Variants in ATRX observed in about 807,000 individuals in gnomAD.
The protein encoded by ATRX is ATRX chromatin remodeler.
ATRX carries 12 observed loss-of-function variants against 172.6 expected under a neutral mutation model. That is an observed-to-expected ratio of 0.07 (90% CI 0.04 to 0.11). The LOEUF is 0.11. Among genes scored for constraint, ATRX ranks in the 10% least tolerant of loss-of-function variants. The probability of loss-of-function intolerance (pLI) is 1.00; values close to 1 mark genes in which losing one functional copy is unlikely to be tolerated. For synonymous variants in ATRX, 674 were observed against 594.7 expected (o/e 1.13, Z -1.94); for missense variants, 1,368 against 1,767.4 (o/e 0.77, Z 4.05).
intron 26 of ATRX, among the ~76,000 whole-genome samples, chrX:77,591,748 C>G (rs1294770733): frequency 8.9e-6 from 1 of 112,150 alleles, no homozygotes; most frequent in Non-Finnish European, 1.9e-5. Context: ...AAATCAAAAA[C>G]ATAATTGAAT....
intron 1 of ATRX, among the ~76,000 whole-genome samples, chrX:77,761,229 C>A (rs1247707261): frequency 2.7e-5 from 3 of 111,553 alleles, no homozygotes; most frequent in African/African-American, 9.7e-5. Flanking sequence ...AGGCATTCTT[C>A]TTTTTATGTA....
chrX:77,505,198 G>A lies in ATRX; in HGVS notation c.*3153C>T, dbSNP rs2062685398. 1.7e-5 allele frequency: 3 copies of A among 172,056 alleles called. No homozygotes were observed. The highest frequency in any genetic ancestry group is 3.3e-5 in the Non-Finnish European group (3 of 90,142). 14.2% of individuals were successfully genotyped at this position (172,056 alleles called of 1,213,427 possible). On this transcript the variant is annotated 3_prime_UTR_variant, in exon 35 of 35. Transcript: ENST00000373344. Reference sequence around the variant, plus strand: ...AGCCTCACAACATGCTACTCTCAAAGGAAACAAGGGCTACTGGGACAGAAT... The same window carrying A: ...AGCCTCACAACATGCTACTCTCAAAAGAAACAAGGGCTACTGGGACAGAAT...
intron 22 of ATRX, among the ~76,000 whole-genome samples, chrX:77,608,656 ACT>A (rs2067024569): frequency 8.9e-6 from 1 of 111,859 alleles, no homozygotes; most frequent in Non-Finnish European, 1.9e-5. Flanking sequence ...CACTGGAGAA[ACT>A]CTACAGGACA....
chrX:77,726,601 A>G (rs187086032), intron 1 of ATRX, among the ~76,000 whole-genome samples: 2 of 111,273 alleles, frequency 1.8e-5, no homozygotes, highest in Admixed American at 1.9e-4. Flanking sequence ...GTGCACATGT[A>G]CCCTAGAACT....
chrX:77,773,318 TATCTG>T (rs2076231787), intron 1 of ATRX, among the ~76,000 whole-genome samples: 1 of 109,495 alleles, frequency 9.1e-6, no homozygotes, highest in Non-Finnish European at 1.9e-5. Context: ...ACTTTGGGGG[TATCTG>T]AGGAAGGAGG....
rs782146598 is a variant in ATRX at position 77,681,697 on chromosome X, T to C, written c.3559A>G (p.Asn1187Asp). 56 of 1,205,753 alleles carry C rather than the reference T, an allele frequency of 4.6e-5. No homozygotes were observed. The highest frequency in any genetic ancestry group is 2.3e-4 in the Middle Eastern group (1 of 4,352). ...KAVIVKEKKR[N>D]SLRTSTKRKQ... ...CTTTTAGTGCTTGTTCTTAGGGAGT[T>C]TCTCTTTTTCTCCTTGACAATGACT... Residue 1187 changes from asparagine (N) to aspartate (D), a missense_variant, in exon 9 of 35, where the codon AAC (asparagine) becomes GAC (aspartate). Asn to Asp is a conservative substitution (Grantham distance 23). Transcript: ENST00000373344.
intron 19 of ATRX, among the ~76,000 whole-genome samples, chrX:77,627,603 G>C (rs2067925635): frequency 9.2e-6 from 1 of 108,441 alleles, no homozygotes; most frequent in African/African-American, 3.4e-5. Context: ...AGACCAGCTT[G>C]GGTAACATAG....
chrX:77,590,014 C>T, intron 26 of ATRX, 74 bp from the exon 27 acceptor site: 2 of 867,118 alleles, frequency 2.3e-6, no homozygotes, highest in Admixed American at 5.2e-5. Context: ...AATCGATCTA[C>T]AAATTTAACA....
chrX:77,785,907 GC>G (rs1557207506), intron 1 of ATRX, 74 bp downstream of exon 1: 6 of 1,133,633 alleles, frequency 5.3e-6, no homozygotes, highest in Non-Finnish European at 1.2e-6. Flanking sequence ...CCAAGCGAAC[GC>G]CTTCCCAAAC....
At chrX:77,565,237 G>A (rs1557063904) in intron 28 of ATRX, among the ~76,000 whole-genome samples, 2 of 111,772 alleles carry the variant, frequency 1.8e-5, no homozygotes, top group African/African-American at 3.2e-5. Context: ...GTGGTAGGGC[G>A]TCTCATGCCC....
intron 14 of ATRX, 72 bp from the exon 15 acceptor site, chrX:77,652,425 T>C (rs2069297578): frequency 1.9e-6 from 2 of 1,037,611 alleles, no homozygotes; most frequent in East Asian, 3.5e-5. Context: ...TTCCATTAAT[T>C]AACACAGCAG....
intron 1 of ATRX, among the ~76,000 whole-genome samples, chrX:77,772,089 G>C (rs1269347213): frequency 3.6e-5 from 4 of 111,027 alleles, no homozygotes; most frequent in African/African-American, 1.3e-4. Context: ...GAGGTCAGGA[G>C]TTCGAGACCA....
At chrX:77,536,616 T>C (rs1468795047) in intron 30 of ATRX, among the ~76,000 whole-genome samples, 1 of 111,951 alleles carries the variant, frequency 8.9e-6, no homozygotes, top group Non-Finnish European at 1.9e-5. Flanking sequence ...TTCCAACATA[T>C]TATGTTCTTC....
intron 2 of ATRX, among the ~76,000 whole-genome samples, chrX:77,703,462 G>C (rs1260702445): frequency 8.9e-6 from 1 of 112,639 alleles, no homozygotes; most frequent in African/African-American, 3.2e-5. Flanking sequence ...GCTGGACCAT[G>C]AACACCACAA....
At chrX:77,522,232 T>C (rs868991671) in intron 32 of ATRX, 31 bp downstream of exon 32, 2 of 1,209,397 alleles carry the variant, frequency 1.7e-6, no homozygotes, top group Non-Finnish European at 1.1e-6. Context: ...CTTTAATTCA[T>C]GTCAAACTAC....
At chrX:77,616,171 A>C (rs1284893920) in intron 22 of ATRX, 7 of 805,813 alleles carry the variant, frequency 8.7e-6, no homozygotes, top group Admixed American at 1.4e-4. Flanking sequence ...TATTTTAGGC[A>C]TACTACATGC....
chrX:77,575,510 G>A (rs1254798669), intron 27 of ATRX: 1 of 110,918 alleles, frequency 9.0e-6, no homozygotes, highest in Admixed American at 9.6e-5. Context: ...ATAAATGAAT[G>A]GAAAATGATA....
At position 77,620,483 on chromosome X, in the gene ATRX, T is replaced by C. The variant is rs782211965; in HGVS notation, c.5184A>G (p.Ala1728=). Residue 1728 remains alanine, a synonymous_variant, in exon 20 of 35, where the codon GCA becomes GCG. Transcript: ENST00000373344. Reference sequence around the variant, plus strand: ...AATTCATAGCTTTAGAAACAGCAGATGCTTCATTTTTTAGAATATGGCCTT... The same window carrying C: ...AATTCATAGCTTTAGAAACAGCAGACGCTTCATTTTTTAGAATATGGCCTT... ...CDEGHILKNE[A]SAVSKAMNSI... 2.0e-5 allele frequency: 24 copies of C among 1,206,847 alleles called. No homozygotes were observed. Among genetic ancestry groups the C allele is most frequent in the Admixed American group, 1.3e-4 (6 of 45,678 alleles).
chrX:77,619,613 C>T (rs1378714105), intron 20 of ATRX, among the ~76,000 whole-genome samples: 1 of 110,943 alleles, frequency 9.0e-6, no homozygotes, highest in African/African-American at 3.3e-5. Flanking sequence ...AACAGCATTT[C>T]TATAAATAGG....
Sources: gnomAD v4.1 joint callset for allele counts (sites outside exome capture counted in the v4.1 genomes callset) on GRCh38, gnomAD v4.1.1 for gene constraint, MANE v1.5 for transcripts, NCBI Gene and HGNC (gene_info 2026-07-23, HGNC 2026-07-21) for gene names.